The following RRN3 variants were observed in gnomAD, a reference collection of about 807,000 sequenced individuals.
The protein encoded by RRN3 is RNA polymerase I-specific transcription initiation factor RRN3.
A neutral mutation model predicts 82.3 loss-of-function variants in RRN3; 38 were observed. The observed-to-expected ratio is 0.46, with a 90% CI of 0.36 to 0.61. The LOEUF is 0.61. Ranked by LOEUF, RRN3 falls within the 20% of genes least tolerant of loss-of-function variation. The pLI is 0.00. For missense variants in RRN3, 726 were observed against 793.1 expected, an observed-to-expected ratio of 0.92 and a Z score of 1.02; for synonymous variants, 284 against 284.3, an observed-to-expected ratio of 1.00 and a Z score of 0.01.
intron 9 of RRN3, among the ~76,000 whole-genome samples, chr16:15,077,308 T>C (rs949889046): frequency 9.9e-5 from 15 of 152,138 alleles, no homozygotes; most frequent in African/African-American, 3.6e-4. Flanking sequence ...GTACTCCTCC[T>C]GTAAGTCACA....
intron 8 of RRN3, among the ~76,000 whole-genome samples, chr16:15,081,747 T>C (rs748372111): frequency 6.6e-6 from 1 of 152,264 alleles, no homozygotes; most frequent in Non-Finnish European, 1.5e-5. Context: ...AATTACTGCC[T>C]AAACCAACAT....
intron 12 of RRN3, among the ~76,000 whole-genome samples, chr16:15,072,245 C>CAAA (rs55852324): frequency 8.2e-5 from 11 of 133,484 alleles, no homozygotes; most frequent in African/African-American, 2.5e-4. Context: ...TTTCCCCCAC[C>CAAA]AAAAAAAAAA....
intron 12 of RRN3, among the ~76,000 whole-genome samples, chr16:15,072,132 C>T (rs1173284224): frequency 1.3e-5 from 2 of 152,010 alleles, no homozygotes; most frequent in African/African-American, 4.8e-5. Context: ...TAGGCACACC[C>T]ATGTGGGCAG....
At chr16:15,064,538 A>G (rs893193184) in intron 16 of RRN3, among the ~76,000 whole-genome samples, 30 of 152,214 alleles carry the variant, frequency 2.0e-4, no homozygotes, top group African/African-American at 6.0e-4. Context: ...GGAAGGAACA[A>G]GACACTTGGC....
intron 8 of RRN3, among the ~76,000 whole-genome samples, chr16:15,083,200 A>C (rs1478294245): frequency 2.0e-5 from 3 of 152,206 alleles, no homozygotes; most frequent in Non-Finnish European, 4.4e-5. Context: ...GGCGTTCGAT[A>C]CCAGTGTGGC....
In RRN3 at chr16:15,074,796, A is replaced by T; in HGVS notation, c.924T>A (p.His308Gln). 1 of 1,614,060 alleles carries T rather than the reference A, an allele frequency of 6.2e-7. No homozygotes were observed. Among genetic ancestry groups the T allele is most frequent in the Non-Finnish European group, 8.5e-7 (1 of 1,179,988 alleles). ...GGATGTCCAGGCGCTCGGCTACAGG[A>T]TGCACCATCTGGTCGAGCCGTTCAG... ...AGPERLDQMV[H>Q]PVAERLDILM... The change falls in exon 11 of 18, where the codon CAT becomes CAA. Residue 308 changes from histidine to glutamine, a missense_variant. Coordinates refer to ENST00000198767, the MANE Select transcript of RRN3 (RefSeq NM_018427.5).
At chr16:15,073,594 G>A (rs2045331961) in intron 11 of RRN3, among the ~76,000 whole-genome samples, 2 of 152,174 alleles carry the variant, frequency 1.3e-5, no homozygotes, top group African/African-American at 4.8e-5. Context: ...ACACACTGTG[G>A]CAAGGTCAGA....
intron 6 of RRN3, among the ~76,000 whole-genome samples, 172 bp from the exon 7 acceptor site, chr16:15,084,877 C>T (rs1173579567): frequency 6.6e-6 from 1 of 152,084 alleles, no homozygotes; most frequent in Non-Finnish European, 1.5e-5. Context: ...ACCAGCCTGA[C>T]CAATATGGTG....
chr16:15,091,889 A>C (rs991035037), intron 2 of RRN3, among the ~76,000 whole-genome samples: 1 of 152,142 alleles, frequency 6.6e-6, no homozygotes, highest in Non-Finnish European at 1.5e-5. Flanking sequence ...AAAAAATAAA[A>C]TGCTGTAGGC....
intron 14 of RRN3, 109 bp from the exon 15 acceptor site, chr16:15,068,386 T>C: frequency 2.2e-6 from 3 of 1,386,228 alleles, no homozygotes; most frequent in South Asian, 3.0e-5. Context: ...CTTTAAAAAA[T>C]TATTTGCAGA....
chr16:15,092,558 G>A lies in RRN3; in HGVS notation c.146C>T (p.Thr49Ile). The change falls in exon 2 of 18, where the codon ACT (threonine) becomes ATT (isoleucine). Residue 49 changes from threonine (T) to isoleucine (I), a missense_variant. Physicochemically the swap from Thr to Ile is moderately conservative, Grantham distance 89. Transcript: ENST00000198767. ...NDFFNSPPRK[T>I]VRFGGTVTEV... ...TGTCACAGTTCCACCAAACCGAACA[G>A]TTTTTCTTGGGGGAGAATTGAAAAA... 1.2e-6 allele frequency: 2 copies of A among 1,613,652 alleles called. No individual in the cohort carries two copies. Among genetic ancestry groups the A allele is most frequent in the Non-Finnish European group, 1.7e-6 (2 of 1,179,622 alleles).
intron 15 of RRN3, among the ~76,000 whole-genome samples, chr16:15,066,013 G>A (rs973679796): frequency 6.6e-6 from 1 of 152,224 alleles, no homozygotes; most frequent in South Asian, 2.1e-4. Context: ...CTAAATGATT[G>A]AGCAACTTGA....
At chr16:15,071,736 C>G (rs1597907235) in intron 12 of RRN3, among the ~76,000 whole-genome samples, 1 of 152,154 alleles carries the variant, frequency 6.6e-6, no homozygotes, top group East Asian at 1.9e-4. Flanking sequence ...CCACTACACT[C>G]CAGCCTGGGT....
At chr16:15,062,169 A>G (rs2044742150) in intron 17 of RRN3, among the ~76,000 whole-genome samples, 2 of 152,092 alleles carry the variant, frequency 1.3e-5, no homozygotes, top group Non-Finnish European at 2.9e-5. Flanking sequence ...GAACAGAACA[A>G]AAGCTCCCTC....
At chr16:15,091,453 C>T (rs2046127045) in intron 2 of RRN3, 82 bp from the exon 3 acceptor site, 1 of 874,666 alleles carries the variant, frequency 1.1e-6, no homozygotes, top group Non-Finnish European at 1.8e-6. Context: ...CGTACTTTAA[C>T]ATCAGATGAA....
At chr16:15,089,183 C>T (rs1488973207) in intron 3 of RRN3, among the ~76,000 whole-genome samples, 1 of 152,008 alleles carries the variant, frequency 6.6e-6, no homozygotes, top group African/African-American at 2.4e-5. Flanking sequence ...CACAGCTACT[C>T]GGGAGGCTGA....
chr16:15,094,145 C>G lies in RRN3; in HGVS notation c.89G>C (p.Gly30Ala). Residue 30 changes from glycine (G) to alanine (A), a missense_variant and splice_region_variant, in exon 1 of 18, where the codon GGG (glycine) becomes GCG (alanine). Physicochemically the swap from Gly to Ala is moderately conservative, Grantham distance 60. Coordinates refer to ENST00000198767, the MANE Select transcript of RRN3 (RefSeq NM_018427.5). ...AVKKLGASRT[G>A]ISNMRALEND... Reference sequence around the variant, plus strand: ...CAGAAGGAAGCGGCCTGAATCTTACCCAGTCCTCGACGCGCCCAGCTTCTT... The same window carrying G: ...CAGAAGGAAGCGGCCTGAATCTTACGCAGTCCTCGACGCGCCCAGCTTCTT... 4 of 1,595,722 alleles carry G rather than the reference C, an allele frequency of 2.5e-6. No homozygotes were observed. Among genetic ancestry groups the G allele is most frequent in the African/African-American group, 1.3e-5 (1 of 74,878 alleles).
intron 15 of RRN3, among the ~76,000 whole-genome samples, chr16:15,066,566 G>T (rs2044983739): frequency 6.6e-6 from 1 of 151,874 alleles, no homozygotes; most frequent in Non-Finnish European, 1.5e-5. Flanking sequence ...CTCGGAGGTG[G>T]TGGTTGTAGT....
intron 1 of RRN3, among the ~76,000 whole-genome samples, chr16:15,093,355 A>G (rs181894951): frequency 3.1e-3 from 473 of 152,274 alleles, no homozygotes; most frequent in Non-Finnish European, 5.6e-3. Flanking sequence ...TGTCTTCCCA[A>G]TGAGAAATCT....
Sources: gnomAD v4.1 joint callset for allele counts (sites outside exome capture counted in the v4.1 genomes callset) on GRCh38, gnomAD v4.1.1 for gene constraint, MANE v1.5 for transcripts, NCBI Gene and HGNC (gene_info 2026-07-23, HGNC 2026-07-21) for gene names.